Variants in NBPF6 observed in about 807,000 individuals in gnomAD.
NBPF6 encodes NBPF member 6, also known as NBPF family member NBPF6.
A neutral mutation model predicts 20.8 loss-of-function variants in NBPF6; 2 were observed. The observed-to-expected ratio is 0.10, with a 90% CI of 0.04 to 0.30. NBPF6 has a LOEUF of 0.30. Among genes scored for constraint, NBPF6 ranks in the 10% least tolerant of loss-of-function variants. The pLI is 1.00. For synonymous variants in NBPF6, 24 were observed against 100.0 expected (o/e 0.24, Z 4.53); for missense variants, 85 against 260.3 (o/e 0.33, Z 4.63).
chr1:108,468,097 C>G (rs1028830987), intron 14 of NBPF6, among the ~76,000 whole-genome samples: 13 of 151,240 alleles, frequency 8.6e-5, no homozygotes, highest in Non-Finnish European at 1.9e-4. Flanking sequence ...AGATTTTCCT[C>G]TTGAGTCTTC....
upstream of NBPF6, among the ~76,000 whole-genome samples, chr1:108,447,179 AC>A (rs1024838909): frequency 6.8e-5 from 5 of 73,788 alleles, 1 homozygote; most frequent in African/African-American, 1.8e-4. Context: ...AGTGAAGGAA[AC>A]CTGGCTTGCT....
In NBPF6 at chr1:108,451,332, A is replaced by G. The variant is rs78106055; in HGVS notation, c.178+553A>G. On this transcript the variant is annotated intron_variant, in intron 2 of 14. Transcript: ENST00000495380. ...TTCAAAGCACAGAGTGTCCCAGTGAAAGGGAAGTGCTGCTTCCTGGGGCAC... is the reference window on the plus strand; with the variant it reads ...TTCAAAGCACAGAGTGTCCCAGTGAGAGGGAAGTGCTGCTTCCTGGGGCAC... Among the ~76,000 whole-genome samples, 80 of 42,656 alleles carry G rather than the reference A, an allele frequency of 1.9e-3. 6 individuals carry two copies. Among genetic ancestry groups the G allele is most frequent in the South Asian group, 3.1e-3 (3 of 958 alleles). 28.0% of individuals were successfully genotyped at this position (42,656 alleles called of 152,430 possible). A position where few individuals can be genotyped will look rare whatever the true frequency, so the allele number is the denominator to read the frequency against.
chr1:108,436,634 T>A, the NBPF6 span, among the ~76,000 whole-genome samples: 6 of 60,946 alleles, frequency 9.8e-5, no homozygotes, highest in East Asian at 5.5e-4. Context: ...GAAAAAAAGA[T>A]TGATAAAATA....
chr1:108,470,805 C>G lies in NBPF6; in HGVS notation c.*167C>G. The G allele has an allele frequency of 1.0e-5, 5 of 501,156 alleles. No individual in the cohort carries two copies. The highest frequency in any genetic ancestry group is 1.1e-5 in the Non-Finnish European group (3 of 271,478). The allele number at this position is 501,156 out of a possible 1,614,324, so 31.0% of individuals were successfully genotyped here. On this transcript the variant is annotated 3_prime_UTR_variant, in exon 15 of 15. Transcript: ENST00000495380. ...CACTATGCTCCTTTGATTTGAGAAG[C>G]CACATTCCATCCCCCTCCAATTGTG...
chr1:108,470,432 G>A (rs1456997638), intron 14 of NBPF6, among the ~76,000 whole-genome samples, 165 bp from the exon 15 acceptor site: 4 of 147,564 alleles, frequency 2.7e-5, no homozygotes, highest in Non-Finnish European at 1.5e-5. Flanking sequence ...TCTCACTTGT[G>A]GATGGTGCTT....
chr1:108,449,116 G>A (rs1282933508), upstream of NBPF6, among the ~76,000 whole-genome samples: 17 of 22,612 alleles, frequency 7.5e-4, 5 homozygotes, highest in African/African-American at 1.1e-3. Flanking sequence ...TGAATGCTGC[G>A]TAGCCCGTGG....
Position 108,471,729 on chromosome 1 carries a change from C to G in NBPF6, c.*1091C>G, listed in dbSNP as rs1266954220. Among the ~76,000 whole-genome samples, 1 of 152,088 alleles carries G rather than the reference C, an allele frequency of 6.6e-6. No individual in the cohort carries two copies. The highest frequency in any genetic ancestry group is 1.5e-5 in the Non-Finnish European group (1 of 68,012). ...CCCTGCCCAAAGTTTGACTTTCATCCAAAATTAATTTTAGTCCATTAAAGT... is the reference window on the plus strand; with the variant it reads ...CCCTGCCCAAAGTTTGACTTTCATCGAAAATTAATTTTAGTCCATTAAAGT... On this transcript the variant is annotated 3_prime_UTR_variant, in exon 15 of 15. Transcript: ENST00000495380.
At position 108,470,807 on chromosome 1, in the gene NBPF6, A is replaced by T; in HGVS notation, c.*169A>T. 2.0e-6 allele frequency: 1 copy of T among 500,400 alleles called. No individual in the cohort carries two copies. The highest frequency in any genetic ancestry group is 3.7e-6 in the Non-Finnish European group (1 of 270,656). 31.0% of individuals were successfully genotyped at this position (500,400 alleles called of 1,614,324 possible). A position where few individuals can be genotyped will look rare whatever the true frequency, so the allele number is the denominator to read the frequency against. ...CTATGCTCCTTTGATTTGAGAAGCC[A>T]CATTCCATCCCCCTCCAATTGTGAT... On this transcript the variant is annotated 3_prime_UTR_variant, in exon 15 of 15. Transcript: ENST00000495380.
chr1:108,471,649 C>T lies in NBPF6; in HGVS notation c.*1011C>T, dbSNP rs141387124. Among the ~76,000 whole-genome samples the T allele has an allele frequency of 3.3e-3, 495 of 152,288 alleles. 2 individuals are homozygous for T. Among genetic ancestry groups the T allele is most frequent in the African/African-American group, 0.011 (474 of 41,548 alleles). On this transcript the variant is annotated 3_prime_UTR_variant, in exon 15 of 15. Coordinates refer to ENST00000495380, the MANE Select transcript of NBPF6 (RefSeq NM_001143988.2). ...GTTTTTACATTGGAAATTGTCTTCT[C>T]AAAATTTTACTATGTACTTGTTTTT...
upstream of NBPF6, among the ~76,000 whole-genome samples, chr1:108,449,436 A>G (rs1294651344): frequency 0.012 from 139 of 11,916 alleles, 15 homozygotes; most frequent in African/African-American, 0.015. Context: ...ATATATATAT[A>G]TATATATATA....
intron 14 of NBPF6, among the ~76,000 whole-genome samples, chr1:108,468,132 C>T (rs1250202571): frequency 2.6e-5 from 4 of 151,394 alleles, no homozygotes; most frequent in African/African-American, 9.8e-5. Flanking sequence ...ACTAATTCAA[C>T]TCTTAATCAT....
chr1:108,469,359 A>C (rs2101062847), intron 14 of NBPF6, among the ~76,000 whole-genome samples: 1 of 149,266 alleles, frequency 6.7e-6, no homozygotes, highest in Non-Finnish European at 1.5e-5. Flanking sequence ...GCAATGTGAA[A>C]ATTTTACTTT....
At chr1:108,452,972 ATGTT>A (rs1188147786) in intron 3 of NBPF6, among the ~76,000 whole-genome samples, 5 of 48,034 alleles carry the variant, frequency 1.0e-4, no homozygotes, top group African/African-American at 3.8e-4. Flanking sequence ...GTGTGTGTGT[ATGTT>A]TGTTTGTGTG....
At chr1:108,469,941 T>G (rs2101064105) in intron 14 of NBPF6, among the ~76,000 whole-genome samples, 1 of 126,450 alleles carries the variant, frequency 7.9e-6, no homozygotes, top group South Asian at 2.9e-4. Flanking sequence ...TGTTGAGACC[T>G]CCAGATTGGA....
chr1:108,429,486 ACTGCTTTTG>A, the NBPF6 span, among the ~76,000 whole-genome samples: 2 of 103,924 alleles, frequency 1.9e-5, no homozygotes, highest in Admixed American at 1.7e-4. Flanking sequence ...CTCTCTTAAC[ACTGCTTTTG>A]CTGCACCCCA....
the NBPF6 span, among the ~76,000 whole-genome samples, chr1:108,436,635 T>A: frequency 2.9e-5 from 2 of 68,248 alleles, no homozygotes; most frequent in African/African-American, 4.3e-5. Context: ...AAAAAAAGAT[T>A]GATAAAATAG....
chr1:108,452,786 A>G (rs1264557479), intron 3 of NBPF6, among the ~76,000 whole-genome samples: 4 of 76,198 alleles, frequency 5.2e-5, no homozygotes, highest in African/African-American at 8.6e-5. Flanking sequence ...AAGATGCGCT[A>G]TGTGAATTTT....
In NBPF6 at chr1:108,459,364, G is replaced by C. The variant is rs1653027319; in HGVS notation, c.1028+255G>C. Among the ~76,000 whole-genome samples, 2 of 136,974 alleles carry C rather than the reference G, an allele frequency of 1.5e-5. 1 individual carries two copies. Among genetic ancestry groups the C allele is most frequent in the South Asian group, 4.6e-4 (2 of 4,316 alleles). 89.9% of individuals were successfully genotyped at this position (136,974 alleles called of 152,430 possible). ...AGTCACACAGATTTCCTTAAAGTAA[G>C]TATACTCTTCTTATGGTGTCAACCA... On this transcript the variant is annotated intron_variant, in intron 9 of 14. Coordinates refer to ENST00000495380, the MANE Select transcript of NBPF6 (RefSeq NM_001143988.2).
intron 3 of NBPF6, among the ~76,000 whole-genome samples, chr1:108,452,649 TG>T (rs1652900738): frequency 1.5e-5 from 1 of 68,568 alleles, no homozygotes; most frequent in East Asian, 4.1e-4. Context: ...TGACTGACTG[TG>T]GCGTTTCATT....
Sources: allele counts gnomAD v4.1 joint callset (sites outside exome capture counted in the v4.1 genomes callset), GRCh38; gene constraint gnomAD v4.1.1; transcripts MANE v1.5; gene names NCBI Gene and HGNC (gene_info 2026-07-23, HGNC 2026-07-21).